Variants in PDE4D observed in about 807,000 individuals in gnomAD.
PDE4D encodes phosphodiesterase 4D.
Under a neutral mutation model 87.4 loss-of-function variants are expected in PDE4D, and 24 were observed. The observed-to-expected ratio is 0.27, with a 90% CI of 0.20 to 0.39. PDE4D has a LOEUF of 0.39. PDE4D is among the 10% of genes least tolerant of loss of function. The pLI is 1.00. For synonymous variants in PDE4D, 384 were observed against 383.2 expected (o/e 1.00, Z -0.02); for missense variants, 714 against 1,041.0 (o/e 0.69, Z 4.32).
chr5:60,268,585 C>T (rs938419245), intron 1 of PDE4D, among the ~76,000 whole-genome samples: 3 of 152,194 alleles, frequency 2.0e-5, no homozygotes, highest in African/African-American at 7.2e-5. Flanking sequence ...GCTTAAAGTA[C>T]TAAGAATTAG....
chr5:59,361,224 T>C (rs577106856), intron 1 of PDE4D, among the ~76,000 whole-genome samples: 1 of 152,164 alleles, frequency 6.6e-6, no homozygotes, highest in South Asian at 2.1e-4. Context: ...GAAAATAAAT[T>C]TTATGTTTAT....
At chr5:59,223,565 C>G (rs904176788) in intron 1 of PDE4D, among the ~76,000 whole-genome samples, 1 of 152,044 alleles carries the variant, frequency 6.6e-6, no homozygotes, top group African/African-American at 2.4e-5. Context: ...CTTTATAATA[C>G]TAAATATTTT....
At chr5:59,708,115 C>T (rs1340605477) in intron 1 of PDE4D, among the ~76,000 whole-genome samples, 7 of 152,172 alleles carry the variant, frequency 4.6e-5, no homozygotes, top group Admixed American at 4.6e-4. Context: ...ACCTCACCAG[C>T]ATCTGTTGTT....
intron 1 of PDE4D, among the ~76,000 whole-genome samples, chr5:59,839,536 C>T (rs1161591537): frequency 6.6e-6 from 1 of 151,926 alleles, no homozygotes; most frequent in Non-Finnish European, 1.5e-5. Context: ...TCAGGACCAT[C>T]CAGATTATCT....
chr5:58,976,535 G>A (rs945149053), intron 12 of PDE4D, 63 bp from the exon 13 acceptor site: 8 of 1,251,602 alleles, frequency 6.4e-6, no homozygotes, highest in African/African-American at 3.0e-5. Context: ...AAAATATTAC[G>A]CAGAATATAA....
At chr5:59,157,039 G>A in intron 5 of PDE4D, 3 of 282,784 alleles carry the variant, frequency 1.1e-5, no homozygotes, top group Non-Finnish European at 1.3e-5. Flanking sequence ...GCAAAATAAA[G>A]CCACATGTAT....
chr5:58,992,981 T>C (rs1425162441), intron 7 of PDE4D, among the ~76,000 whole-genome samples: 1 of 152,182 alleles, frequency 6.6e-6, no homozygotes, highest in Non-Finnish European at 1.5e-5. Context: ...CACAAGACGG[T>C]AAATTCATCG....
At chr5:60,350,687 C>T (rs544278041) in intron 1 of PDE4D, among the ~76,000 whole-genome samples, 1 of 152,138 alleles carries the variant, frequency 6.6e-6, no homozygotes, top group Non-Finnish European at 1.5e-5. Flanking sequence ...AATGGCCTAA[C>T]TATTCAATAT....
At chr5:60,109,389 A>G (rs1222462568) in intron 2 of PDE4D, among the ~76,000 whole-genome samples, 1 of 151,760 alleles carries the variant, frequency 6.6e-6, no homozygotes, top group African/African-American at 2.4e-5. Context: ...GTGGAGAAAT[A>G]GGAACACTTT....
At position 59,401,223 on chromosome 5, in the gene PDE4D, T is replaced by A. The variant is rs190493048; in HGVS notation, c.456-185255A>T. On this transcript the variant is annotated intron_variant, in intron 1 of 14. Transcript: ENST00000340635. ...CCTTTGGGTGGCCAAGGCAGGAGAA[T>A]CATTTGAGAAGAGGAGTTCAAGACC... 2.1e-3 allele frequency among the ~76,000 whole-genome samples: 325 copies of A among 152,280 alleles called. 2 individuals carry two copies. The highest frequency in any genetic ancestry group is 7.5e-3 in the African/African-American group (311 of 41,560).
chr5:59,017,026 G>T (rs1468250340), intron 6 of PDE4D, among the ~76,000 whole-genome samples: 1 of 152,182 alleles, frequency 6.6e-6, no homozygotes, highest in Non-Finnish European at 1.5e-5. Context: ...TTTGGGAAGA[G>T]ACTCGAATGC....
chr5:59,169,266 A>G (rs1168128620), intron 5 of PDE4D, among the ~76,000 whole-genome samples: 1 of 152,156 alleles, frequency 6.6e-6, no homozygotes, highest in Non-Finnish European at 1.5e-5. Context: ...ATGGGTGGGA[A>G]GCACTTTGTG....
chr5:60,460,007 C>T (rs867993082), intron 1 of PDE4D: 54 of 1,066,522 alleles, frequency 5.1e-5, no homozygotes, highest in Admixed American at 4.1e-4. Flanking sequence ...TCATCCATAT[C>T]GGGAACCAAG....
chr5:60,131,867 T>A (rs1415799151), intron 2 of PDE4D, among the ~76,000 whole-genome samples: 1 of 152,250 alleles, frequency 6.6e-6, no homozygotes, highest in Admixed American at 6.5e-5. Context: ...CATTGGCTTA[T>A]CTGAAACTGG....
chr5:59,207,008 C>T (rs1748937014), intron 2 of PDE4D, among the ~76,000 whole-genome samples: 2 of 151,814 alleles, frequency 1.3e-5, no homozygotes, highest in Admixed American at 1.3e-4. Flanking sequence ...CATAGCAAGA[C>T]CTCATTTCTG....
At chr5:59,310,129 G>T (rs1315288767) in intron 1 of PDE4D, among the ~76,000 whole-genome samples, 1 of 152,148 alleles carries the variant, frequency 6.6e-6, no homozygotes, top group Non-Finnish European at 1.5e-5. Context: ...GGCCCTTTTG[G>T]ACAGGTGGCT....
At chr5:59,592,091 C>T (rs1242182864) in intron 1 of PDE4D, 2 of 981,620 alleles carry the variant, frequency 2.0e-6, no homozygotes, top group Non-Finnish European at 2.4e-6. Context: ...CCCCACCTCC[C>T]AGCAAGAAAA....
intron 1 of PDE4D, among the ~76,000 whole-genome samples, chr5:59,888,393 C>T (rs1383754573): frequency 2.0e-5 from 3 of 152,170 alleles, no homozygotes; most frequent in African/African-American, 7.2e-5. Context: ...AGGCTTAGAA[C>T]ACACTAGCTG....
intron 2 of PDE4D, among the ~76,000 whole-genome samples, chr5:60,037,055 A>G (rs748520549): frequency 6.6e-6 from 1 of 152,326 alleles, no homozygotes; most frequent in South Asian, 2.1e-4. Flanking sequence ...CATGCACTTC[A>G]GTTACCTGCA....
Sources: gnomAD v4.1 joint callset for allele counts (sites outside exome capture counted in the v4.1 genomes callset) on GRCh38, gnomAD v4.1.1 for gene constraint, MANE v1.5 for transcripts, NCBI Gene and HGNC (gene_info 2026-07-23, HGNC 2026-07-21) for gene names.